Variants in HIVEP3 observed in about 807,000 individuals in gnomAD.
HIVEP3 encodes the protein HIVEP zinc finger 3.
In HIVEP3, 49 loss-of-function variants were observed where a neutral mutation model predicts 152.8. The ratio of observed to expected loss-of-function variants is 0.32; its 90% CI spans 0.26 to 0.41. HIVEP3 has a LOEUF of 0.41. Ranked by LOEUF, HIVEP3 falls within the 10% of genes least tolerant of loss-of-function variation. HIVEP3 has a pLI of 1.00. For missense variants in HIVEP3, 2,790 were observed against 3,103.3 expected (o/e 0.90, Z 2.40); for synonymous variants, 1,269 against 1,289.0 (o/e 0.98, Z 0.33).
intron 1 of HIVEP3, among the ~76,000 whole-genome samples, chr1:41,948,491 A>G (rs182560083): frequency 6.6e-6 from 1 of 152,008 alleles, no homozygotes; most frequent in African/African-American, 2.4e-5. Flanking sequence ...GTCATCAGAA[A>G]GAAAAGGAAA....
At chr1:41,792,965 A>AG in intron 1 of HIVEP3, among the ~76,000 whole-genome samples, 1 of 152,320 alleles carries the variant, frequency 6.6e-6, no homozygotes, top group Admixed American at 6.5e-5. Flanking sequence ...GAGAATGTTC[A>AG]GGGGATCCTG....
Position 41,873,429 on chromosome 1 carries a change from T to A in HIVEP3, c.-801+44984A>T, listed in dbSNP as rs763923859. ...CACCCACTGTTCTCAGCTTTGGGCC[T>A]CAGCTAAGGCCAGGACAAGCATCAT... On this transcript the variant is annotated intron_variant, in intron 1 of 8. Transcript: ENST00000372583. This position sits in a 1 kb window ranked among gnomAD's most constrained non-coding sequence, Gnocchi z 4.2. 5.9e-5 allele frequency among the ~76,000 whole-genome samples: 9 copies of A among 152,212 alleles called. 1 individual carries two copies. Among genetic ancestry groups the A allele is most frequent in the Non-Finnish European group, 1.3e-4 (9 of 68,048 alleles).
chr1:41,736,542 T>C (rs985026917), intron 1 of HIVEP3, among the ~76,000 whole-genome samples: 1 of 152,182 alleles, frequency 6.6e-6, no homozygotes, highest in African/African-American at 2.4e-5. Flanking sequence ...GTAGCCATCC[T>C]GGGTCCTGGC....
chr1:41,666,156 TG>T (rs1427901764), intron 2 of HIVEP3, among the ~76,000 whole-genome samples: 1 of 152,066 alleles, frequency 6.6e-6, no homozygotes, highest in African/African-American at 2.4e-5. Context: ...TGTGTGTGTG[TG>T]CATGTGCACA....
intron 1 of HIVEP3, among the ~76,000 whole-genome samples, chr1:41,756,642 T>C (rs1002655092): frequency 1.3e-5 from 2 of 152,240 alleles, no homozygotes; most frequent in African/African-American, 4.8e-5. Flanking sequence ...TGGAATATTA[T>C]ACAATCATTG....
chr1:41,946,321 C>T (rs1288525538), intron 1 of HIVEP3, among the ~76,000 whole-genome samples: 1 of 152,194 alleles, frequency 6.6e-6, no homozygotes, highest in Non-Finnish European at 1.5e-5. Flanking sequence ...GGGGCAAGTG[C>T]CAGCCCATGC....
intron 2 of HIVEP3, among the ~76,000 whole-genome samples, chr1:41,645,493 T>C (rs906600648): frequency 6.6e-6 from 1 of 152,216 alleles, no homozygotes; most frequent in Non-Finnish European, 1.5e-5. Flanking sequence ...GTCTCCACAG[T>C]AGGTCCTCCA....
intron 3 of HIVEP3, among the ~76,000 whole-genome samples, chr1:41,591,557 A>G (rs1489258207): frequency 1.3e-5 from 2 of 152,046 alleles, no homozygotes; most frequent in Admixed American, 1.3e-4. Flanking sequence ...GATGAAAATC[A>G]TCACGATCCT....
At chr1:41,742,225 T>G (rs1005661059) in intron 1 of HIVEP3, among the ~76,000 whole-genome samples, 1 of 152,180 alleles carries the variant, frequency 6.6e-6, no homozygotes, top group Non-Finnish European at 1.5e-5. Context: ...CTGCCATCTA[T>G]CTGTCCAACC....
rs192677200 is a variant in HIVEP3 at position 41,791,983 on chromosome 1, C to T, written c.-800-90988G>A. On this transcript the variant is annotated intron_variant, in intron 1 of 8. Coordinates refer to ENST00000372583, the MANE Select transcript of HIVEP3 (RefSeq NM_024503.5). ...AGCCTTCCAGACCCAGCTCAAGGAA[C>T]ACCTCCTCCGTGAAGCCTTTCCAGA... Among the ~76,000 whole-genome samples the T allele has an allele frequency of 1.6e-3, 248 of 152,290 alleles. 1 individual carries two copies. The highest frequency in any genetic ancestry group is 5.5e-3 in the Admixed American group (84 of 15,298).
intron 1 of HIVEP3, among the ~76,000 whole-genome samples, chr1:41,931,645 C>T (rs1360716973): frequency 3.3e-5 from 5 of 151,920 alleles, no homozygotes; most frequent in Admixed American, 2.0e-4. Context: ...TTGCTTTCAC[C>T]AGGATTTTCT....
chr1:41,705,117 T>C, intron 1 of HIVEP3, among the ~76,000 whole-genome samples: 1 of 152,268 alleles, frequency 6.6e-6, no homozygotes, highest in Non-Finnish European at 1.5e-5. Flanking sequence ...GACCTTTTTA[T>C]GCCCTTTACA....
At position 41,804,743 on chromosome 1, in the gene HIVEP3, A is replaced by C. The variant is rs139086066; in HGVS notation, c.-800-103748T>G. 5.9e-3 allele frequency among the ~76,000 whole-genome samples: 897 copies of C among 152,334 alleles called. 15 individuals are homozygous for C. The South Asian group carries it at 0.076, about 13-fold the overall frequency. ...TATCTAGAAAAATCTACATGTATTT[A>C]ATTGTGGCAGACTCATGCTGACCCT... On this transcript the variant is annotated intron_variant, in intron 1 of 8. Transcript: ENST00000372583.
intron 3 of HIVEP3, among the ~76,000 whole-genome samples, chr1:41,612,816 C>G (rs1644917329): frequency 6.6e-6 from 1 of 152,218 alleles, no homozygotes; most frequent in Non-Finnish European, 1.5e-5. Flanking sequence ...CAGTGCCAGC[C>G]CCTGTCCCCT....
At chr1:41,849,405 G>A (rs1643532849) in intron 1 of HIVEP3, among the ~76,000 whole-genome samples, 1 of 152,182 alleles carries the variant, frequency 6.6e-6, no homozygotes, top group Non-Finnish European at 1.5e-5. Flanking sequence ...CTCCCCAGAA[G>A]CACATCCAAC....
chr1:41,735,460 A>G (rs1447080837), intron 1 of HIVEP3, among the ~76,000 whole-genome samples: 1 of 152,190 alleles, frequency 6.6e-6, no homozygotes, highest in Admixed American at 6.5e-5. Context: ...AATGAGCCAC[A>G]ACAGTGTGGG....
At chr1:41,515,598 T>A (rs1323542945) in intron 7 of HIVEP3, among the ~76,000 whole-genome samples, 2 of 152,228 alleles carry the variant, frequency 1.3e-5, no homozygotes, top group African/African-American at 4.8e-5. Context: ...TGAGAGCTGG[T>A]GGCTGAGTCA....
intron 2 of HIVEP3, among the ~76,000 whole-genome samples, chr1:41,675,600 A>G (rs1429170588): frequency 6.6e-6 from 1 of 152,210 alleles, no homozygotes; most frequent in African/African-American, 2.4e-5. Flanking sequence ...CTGTCAGAGT[A>G]GCTGTGACCC....
intron 1 of HIVEP3, among the ~76,000 whole-genome samples, chr1:42,001,272 G>A (rs1645426366): frequency 6.6e-6 from 1 of 152,238 alleles, no homozygotes; most frequent in South Asian, 2.1e-4. Flanking sequence ...TGAACTGTCA[G>A]CTCAGAAGCA....
Sources: allele counts gnomAD v4.1 joint callset (sites outside exome capture counted in the v4.1 genomes callset), GRCh38; gene constraint gnomAD v4.1.1; non-coding constraint Gnocchi (gnomAD v3.1); transcripts MANE v1.5; gene names NCBI Gene and HGNC (gene_info 2026-07-23, HGNC 2026-07-21).